Variants in INPP5D observed in about 807,000 individuals in gnomAD.
INPP5D encodes the protein inositol polyphosphate-5-phosphatase D, also known as phosphatidylinositol 3,4,5-trisphosphate 5-phosphatase 1.
INPP5D carries 33 observed loss-of-function variants against 122.9 expected under a neutral mutation model. That is an observed-to-expected ratio of 0.27 (90% CI 0.20 to 0.36). The LOEUF is 0.36. INPP5D is among the 10% of genes least tolerant of loss of function. The pLI is 1.00. For missense variants in INPP5D, 1,053 were observed against 1,412.7 expected (o/e 0.75, Z 4.08); for synonymous variants, 584 against 576.2 (o/e 1.01, Z -0.19).
rs570813940 is a variant in INPP5D, at chr2:233,180,889, AT to A, written c.2072-1520del. ...GGGTTTTGCCATGTTGGCCAGGCTGATCTCGAACTCCTGGCCTCAAGTGATC... is the reference window on the plus strand; with the variant it reads ...GGGTTTTGCCATGTTGGCCAGGCTGACTCGAACTCCTGGCCTCAAGTGATC... On this transcript the variant is annotated intron_variant, in intron 18 of 26. Coordinates refer to ENST00000445964, the MANE Select transcript of INPP5D (RefSeq NM_001017915.3). Among the ~76,000 whole-genome samples the A allele has an allele frequency of 2.3e-3, 347 of 150,074 alleles. 3 individuals are homozygous for A. The highest frequency in any genetic ancestry group is 3.4e-3 in the Middle Eastern group (1 of 292).
chr2:233,072,138 G>A (rs1391764302), intron 1 of INPP5D, among the ~76,000 whole-genome samples: 1 of 152,220 alleles, frequency 6.6e-6, no homozygotes, highest in East Asian at 1.9e-4. Context: ...GATAGCCTCT[G>A]TCACCTAGTT....
In INPP5D at chr2:233,161,822, C is replaced by T. The variant is rs769741057; in HGVS notation, c.1236C>T (p.Asn412=). 5.0e-6 allele frequency: 8 copies of T among 1,613,008 alleles called. No homozygotes were observed. In the South Asian group the frequency reaches 7.7e-5, roughly 16 times the overall value. Residue 412 remains asparagine, a synonymous_variant, in exon 11 of 27, where the codon AAC becomes AAT. Coordinates refer to ENST00000445964, the MANE Select transcript of INPP5D (RefSeq NM_001017915.3). ...TCACCATCTTCATCGGCACCTGGAA[C>T]ATGGGTGGGTCCGCGCGCCCCCTCC... ...DMITIFIGTW[N]MGNAPPPKKI...
intron 25 of INPP5D, among the ~76,000 whole-genome samples, chr2:233,202,310 G>T (rs767512020): frequency 6.6e-6 from 1 of 152,174 alleles, no homozygotes; most frequent in African/African-American, 2.4e-5. Flanking sequence ...GGTCCACACG[G>T]GGGTCAGAAG....
chr2:233,193,703 C>A, intron 22 of INPP5D, 109 bp from the exon 23 acceptor site: 1 of 1,573,660 alleles, frequency 6.4e-7, no homozygotes, highest in Non-Finnish European at 8.7e-7. Flanking sequence ...TATTAAATAA[C>A]CCTTGCCTGG....
intron 2 of INPP5D, among the ~76,000 whole-genome samples, chr2:233,118,783 T>C (rs1338557375): frequency 6.6e-6 from 1 of 152,104 alleles, no homozygotes; most frequent in Non-Finnish European, 1.5e-5. Flanking sequence ...GGAGGAAGGC[T>C]CCCTCCTCAG....
intron 1 of INPP5D, among the ~76,000 whole-genome samples, chr2:233,066,375 C>A (rs1691227196): frequency 6.6e-6 from 1 of 152,222 alleles, no homozygotes; most frequent in African/African-American, 2.4e-5. Context: ...GTGAGAGGAG[C>A]TCTGCTCTTC....
intron 2 of INPP5D, among the ~76,000 whole-genome samples, chr2:233,088,366 A>G (rs1296726015): frequency 6.6e-6 from 1 of 151,776 alleles, no homozygotes; most frequent in Non-Finnish European, 1.5e-5. Context: ...TCTTCCTGGG[A>G]TTTTCACTCC....
intron 1 of INPP5D, among the ~76,000 whole-genome samples, chr2:233,068,439 G>GA (rs1163091039): frequency 1.3e-5 from 2 of 150,572 alleles, no homozygotes; most frequent in Non-Finnish European, 3.0e-5. Flanking sequence ...CTAAAAATAC[G>GA]AAAAATTTAG....
chr2:233,121,335 A>C (rs1222198074), intron 2 of INPP5D, among the ~76,000 whole-genome samples: 1 of 151,246 alleles, frequency 6.6e-6, no homozygotes, highest in Non-Finnish European at 1.5e-5. Context: ...TTTGAGTTTC[A>C]TCATGTTGGC....
chr2:233,201,007 A>G (rs144256880), intron 25 of INPP5D, among the ~76,000 whole-genome samples: 14 of 149,686 alleles, frequency 9.4e-5, no homozygotes, highest in Non-Finnish European at 1.6e-4. Flanking sequence ...TAAATAAATA[A>G]ATAGATGAGA....
In INPP5D at chr2:233,206,737, G is replaced by A; in HGVS notation, c.*29G>A. ...CCTCAGTGAGCTGCCACTGAGTCGG[G>A]AGCCCAGAGGAACGGCGTGAAGCCA... On this transcript the variant is annotated 3_prime_UTR_variant, in exon 27 of 27. Coordinates refer to ENST00000445964, the MANE Select transcript of INPP5D (RefSeq NM_001017915.3). This position sits in a 1 kb window ranked among gnomAD's most constrained non-coding sequence, Gnocchi z 4.0. 1 of 765,810 alleles carries A rather than the reference G, an allele frequency of 1.3e-6. No homozygotes were observed. Among genetic ancestry groups the A allele is most frequent in the Non-Finnish European group, 2.4e-6 (1 of 411,084 alleles). The allele number at this position is 765,810 out of a possible 1,614,324, so 47.4% of individuals were successfully genotyped here.
At chr2:233,138,788 C>T (rs1693565391) in intron 5 of INPP5D, among the ~76,000 whole-genome samples, 1 of 151,958 alleles carries the variant, frequency 6.6e-6, no homozygotes, top group Non-Finnish European at 1.5e-5. Flanking sequence ...CTCTGTCGCC[C>T]AGGCTGGAGT....
chr2:233,169,827 C>A, intron 14 of INPP5D, 199 bp from the exon 15 acceptor site: 1 of 937,774 alleles, frequency 1.1e-6, no homozygotes, highest in Non-Finnish European at 1.6e-6. Context: ...CCCAATGTGG[C>A]CTCAAATGCC....
chr2:233,181,823 G>A (rs1330140753), intron 18 of INPP5D, among the ~76,000 whole-genome samples: 1 of 152,162 alleles, frequency 6.6e-6, no homozygotes, highest in African/African-American at 2.4e-5. Flanking sequence ...TGAGCCAGGC[G>A]TGGTGGCTCA....
intron 1 of INPP5D, among the ~76,000 whole-genome samples, chr2:233,073,909 C>T (rs371620058): frequency 1.3e-4 from 20 of 152,274 alleles, no homozygotes; most frequent in African/African-American, 4.3e-4. Context: ...TCTCAGTTTG[C>T]TCATTTTTCA....
chr2:233,142,668 C>A (rs1693656718), intron 6 of INPP5D, among the ~76,000 whole-genome samples: 1 of 152,120 alleles, frequency 6.6e-6, no homozygotes, highest in South Asian at 2.1e-4. Flanking sequence ...GAAAGGAGAG[C>A]CGGTAACCTC....
intron 2 of INPP5D, among the ~76,000 whole-genome samples, chr2:233,096,719 G>T (rs543860698): frequency 6.6e-6 from 1 of 152,172 alleles, no homozygotes; most frequent in African/African-American, 2.4e-5. Context: ...CCTGTCAATT[G>T]CCTATTTATA....
intron 5 of INPP5D, among the ~76,000 whole-genome samples, chr2:233,138,298 T>A (rs58069668): frequency 2.2e-5 from 3 of 139,476 alleles, no homozygotes; most frequent in South Asian, 4.6e-4. Flanking sequence ...CAGAGTAAGA[T>A]TGTCTAAAAA....
chr2:233,093,117 T>C (rs6746738), intron 2 of INPP5D, among the ~76,000 whole-genome samples: 126,370 of 152,256 alleles, frequency 0.83, 52,825 homozygotes, highest in East Asian at 0.97. Flanking sequence ...CGTGGTCTGA[T>C]GGGCCACTGC....
Sources: gnomAD v4.1 joint callset for allele counts (sites outside exome capture counted in the v4.1 genomes callset) on GRCh38, gnomAD v4.1.1 for gene constraint, Gnocchi (gnomAD v3.1) non-coding constraint, MANE v1.5 for transcripts, NCBI Gene and HGNC (gene_info 2026-07-23, HGNC 2026-07-21) for gene names.